Variants in ARHGAP32 observed in about 807,000 individuals in gnomAD.
ARHGAP32 encodes rho GTPase-activating protein 32.
Under a neutral mutation model 186.5 loss-of-function variants are expected in ARHGAP32, and 51 were observed. The observed-to-expected ratio is 0.27, with a 90% confidence interval of 0.22 to 0.35. ARHGAP32 has a LOEUF of 0.35. Ranked by LOEUF, ARHGAP32 falls within the 10% of genes least tolerant of loss-of-function variation. The probability of loss-of-function intolerance (pLI) is 1.00; values close to 1 mark genes in which losing one functional copy is unlikely to be tolerated. For missense variants in ARHGAP32, 2,186 were observed against 2,623.5 expected (o/e 0.83, Z 3.64); for synonymous variants, 950 against 964.3 (o/e 0.99, Z 0.27).
intron 11 of ARHGAP32, among the ~76,000 whole-genome samples, chr11:129,015,248 G>T (rs894123324): frequency 6.6e-6 from 1 of 152,064 alleles, no homozygotes. Context: ...CCAGTTTTAG[G>T]ATACACTAAC....
chr11:129,243,649 A>G (rs895512782), intron 1 of ARHGAP32, among the ~76,000 whole-genome samples: 2 of 152,194 alleles, frequency 1.3e-5, no homozygotes, highest in South Asian at 2.1e-4. Context: ...CAACCATTCC[A>G]ATATGAGGAC....
At chr11:129,097,507 G>A (rs1166618539) in intron 5 of ARHGAP32, among the ~76,000 whole-genome samples, 1 of 152,084 alleles carries the variant, frequency 6.6e-6, no homozygotes, top group Non-Finnish European at 1.5e-5. Context: ...TTTTGTAGCT[G>A]AGAAGTATAA....
intron 1 of ARHGAP32, among the ~76,000 whole-genome samples, chr11:129,238,359 A>G (rs113496154): frequency 0.033 from 4,968 of 152,102 alleles, 192 homozygotes; most frequent in African/African-American, 0.087. Flanking sequence ...CTCTCTTCAC[A>G]CTTCTCATGA....
chr11:129,033,149 G>C (rs1329184903), intron 11 of ARHGAP32, among the ~76,000 whole-genome samples: 1 of 152,152 alleles, frequency 6.6e-6, no homozygotes, highest in African/African-American at 2.4e-5. Flanking sequence ...GGAATTTACT[G>C]TATATATCTT....
intron 2 of ARHGAP32, among the ~76,000 whole-genome samples, chr11:129,135,249 A>G (rs1395481592): frequency 6.6e-6 from 1 of 152,236 alleles, no homozygotes; most frequent in South Asian, 2.1e-4. Flanking sequence ...GCTGGAAGAC[A>G]CTACTTATCA....
At chr11:129,114,338 G>C (rs1942306093) in intron 5 of ARHGAP32, among the ~76,000 whole-genome samples, 1 of 152,056 alleles carries the variant, frequency 6.6e-6, no homozygotes, top group South Asian at 2.1e-4. Flanking sequence ...GAAGACTTTT[G>C]AATGCCACAG....
At chr11:129,002,082 T>C (rs780671591) in intron 11 of ARHGAP32, among the ~76,000 whole-genome samples, 9 of 152,198 alleles carry the variant, frequency 5.9e-5, no homozygotes, top group African/African-American at 9.6e-5. Context: ...GCTATGGCTA[T>C]TATTTAGTTC....
At chr11:128,998,187 A>G in intron 12 of ARHGAP32, 132 bp downstream of exon 12, 1 of 671,606 alleles carries the variant, frequency 1.5e-6, no homozygotes. Flanking sequence ...AGTACCTGAG[A>G]AAGCTTAGTA....
chr11:129,030,493 T>C (rs779447257), intron 11 of ARHGAP32: 1 of 152,172 alleles, frequency 6.6e-6, no homozygotes, highest in Non-Finnish European at 1.5e-5. Flanking sequence ...TCTCAATAGA[T>C]TGTACCCATG....
At chr11:129,252,511 C>T (rs1323914882) in intron 1 of ARHGAP32, among the ~76,000 whole-genome samples, 1 of 152,108 alleles carries the variant, frequency 6.6e-6, no homozygotes, top group East Asian at 1.9e-4. Context: ...ACTAAACACA[C>T]ACAAAAGAGT....
chr11:129,248,635 T>C (rs1376302866), intron 1 of ARHGAP32, among the ~76,000 whole-genome samples: 1 of 152,224 alleles, frequency 6.6e-6, no homozygotes, highest in Non-Finnish European at 1.5e-5. Context: ...AAATAATACA[T>C]ATAAACGTCA....
chr11:129,111,705 A>G (rs542711884), intron 5 of ARHGAP32, among the ~76,000 whole-genome samples: 13 of 152,190 alleles, frequency 8.5e-5, no homozygotes, highest in Non-Finnish European at 1.8e-4. Context: ...TGACAGTCTC[A>G]TGACCTTTTG....
intron 1 of ARHGAP32, among the ~76,000 whole-genome samples, chr11:129,243,994 T>G (rs909992618): frequency 5.3e-5 from 8 of 152,228 alleles, no homozygotes; most frequent in African/African-American, 1.9e-4. Context: ...AATTTTTACT[T>G]ATTTATCTCC....
At chr11:129,076,393 T>C (rs774635874) in intron 6 of ARHGAP32, among the ~76,000 whole-genome samples, 2 of 152,186 alleles carry the variant, frequency 1.3e-5, no homozygotes, top group Non-Finnish European at 1.5e-5. Flanking sequence ...TTGTGCAATA[T>C]CCAAGAACCC....
chr11:129,047,450 T>A (rs78960950), intron 10 of ARHGAP32, among the ~76,000 whole-genome samples: 2 of 151,944 alleles, frequency 1.3e-5, no homozygotes, highest in Non-Finnish European at 2.9e-5. Flanking sequence ...CAATTCCAGG[T>A]TTTTTTTGTT....
chr11:129,201,173 A>G (rs1411462627), intron 1 of ARHGAP32, among the ~76,000 whole-genome samples: 1 of 152,212 alleles, frequency 6.6e-6, no homozygotes, highest in Non-Finnish European at 1.5e-5. Flanking sequence ...ATTAAGTGGA[A>G]ATTTCATAAC....
chr11:128,977,815 TAGAGGTA>T (rs1945589377), intron 19 of ARHGAP32, among the ~76,000 whole-genome samples: 1 of 151,540 alleles, frequency 6.6e-6, no homozygotes, highest in East Asian at 1.9e-4. Context: ...TAGCTAAGCC[TAGAGGTA>T]TGTGCCACCA....
chr11:129,168,071 C>T (rs1943674962), intron 1 of ARHGAP32, among the ~76,000 whole-genome samples: 1 of 151,930 alleles, frequency 6.6e-6, no homozygotes, highest in Admixed American at 6.6e-5. Context: ...ACAGTTGGAC[C>T]CCATCTGTAA....
chr11:129,242,225 T>C (rs1030759903), intron 1 of ARHGAP32, among the ~76,000 whole-genome samples: 2 of 152,138 alleles, frequency 1.3e-5, no homozygotes, highest in Admixed American at 6.5e-5. Context: ...GGCCAAGTAC[T>C]TGAACATACT....
Sources: gnomAD v4.1 joint callset for allele counts (sites outside exome capture counted in the v4.1 genomes callset) on GRCh38, gnomAD v4.1.1 for gene constraint, MANE v1.5 for transcripts, NCBI Gene and HGNC (gene_info 2026-07-23, HGNC 2026-07-21) for gene names.